Variants in PRDM6 observed in about 807,000 individuals in gnomAD.
PRDM6 encodes the protein PR/SET domain 6, also known as putative histone-lysine N-methyltransferase PRDM6.
In PRDM6, 25 loss-of-function variants were observed where a neutral mutation model predicts 60.8. That is an observed-to-expected ratio of 0.41 (90% CI 0.30 to 0.57). The LOEUF is 0.57. Ranked by LOEUF, PRDM6 falls within the 20% of genes least tolerant of loss-of-function variation. The pLI, the probability that PRDM6 is intolerant of heterozygous loss-of-function variation, is 0.27. For synonymous variants in PRDM6, 407 were observed against 357.4 expected, an observed-to-expected ratio of 1.14 and a Z score of -1.57; for missense variants, 839 against 821.3, an observed-to-expected ratio of 1.02 and a Z score of -0.26.
intron 3 of PRDM6, among the ~76,000 whole-genome samples, chr5:123,140,794 G>C (rs1261557132): frequency 6.6e-6 from 1 of 152,098 alleles, no homozygotes; most frequent in East Asian, 1.9e-4. Context: ...ATTGTTTTAT[G>C]TGTTTACTCT....
At chr5:123,144,101 A>G (rs950341571) in intron 3 of PRDM6, among the ~76,000 whole-genome samples, 1 of 152,132 alleles carries the variant, frequency 6.6e-6, no homozygotes, top group Non-Finnish European at 1.5e-5. Flanking sequence ...CCCCCTGGAG[A>G]GGACTTGCAG....
intron 3 of PRDM6, among the ~76,000 whole-genome samples, chr5:123,122,023 C>T (rs751994509): frequency 4.6e-5 from 7 of 151,198 alleles, no homozygotes; most frequent in South Asian, 4.2e-4. Context: ...ATTAGCTGGG[C>T]GTGGTGGCGG....
chr5:123,131,603 A>G (rs1335182839), intron 3 of PRDM6, among the ~76,000 whole-genome samples: 1 of 152,178 alleles, frequency 6.6e-6, no homozygotes, highest in Non-Finnish European at 1.5e-5. Flanking sequence ...AATTATTTCC[A>G]TTTACTATGT....
At position 123,090,050 on chromosome 5, in the gene PRDM6, C is replaced by G. The variant is rs1275098182; in HGVS notation, c.36C>G (p.Phe12Leu). The change falls in exon 2 of 8, where the codon TTC becomes TTG. Residue 12 changes from phenylalanine to leucine, a missense_variant. Physicochemically the swap from Phe to Leu is conservative, Grantham distance 22. This residue lies in a region of PRDM6 where 730 missense variants were observed against 648.8 expected (regional missense o/e 1.13). Coordinates refer to ENST00000407847, the MANE Select transcript of PRDM6 (RefSeq NM_001136239.4). The part of the protein sequence containing the change: ...LKPGDPGGSA[F>L]LKVDPAYLQH... The stretch of plus-strand genomic sequence containing the variant: ...CCGGAGACCCCGGCGGTTCGGCCTT[C>G]CTCAAAGTGGACCCAGCCTACCTGC... 1.3e-6 allele frequency: 2 copies of G among 1,548,338 alleles called. No homozygotes were observed. Among genetic ancestry groups the G allele is most frequent in the East Asian group, 2.5e-5 (1 of 40,654 alleles).
In PRDM6 at chr5:123,194,024, A is replaced by G. The variant is rs1460256618; in HGVS notation, c.*6823A>G. ...TGTAAGGGCCACTGATATGACAAGAATGATTATCCCACAGTAAGAATGGGT... is the reference window on the plus strand; with the variant it reads ...TGTAAGGGCCACTGATATGACAAGAGTGATTATCCCACAGTAAGAATGGGT... On this transcript the variant is annotated 3_prime_UTR_variant, in exon 8 of 8. Coordinates refer to ENST00000407847, the MANE Select transcript of PRDM6 (RefSeq NM_001136239.4). The G allele has an allele frequency of 3.3e-5, 5 of 152,274 alleles. No homozygotes were observed. In the East Asian group the frequency reaches 9.7e-4, roughly 29 times the overall value. The allele number at this position is 152,274 out of a possible 1,614,324, so 9.4% of individuals were successfully genotyped here. A position where few individuals can be genotyped will look rare whatever the true frequency, so the allele number is the denominator to read the frequency against.
At chr5:123,167,805 C>T (rs1453119532) in intron 5 of PRDM6, among the ~76,000 whole-genome samples, 1 of 152,190 alleles carries the variant, frequency 6.6e-6, no homozygotes, top group African/African-American at 2.4e-5. Flanking sequence ...TACAGTGAGG[C>T]AGCTGGCCAG....
At chr5:123,148,181 C>G (rs948751400) in intron 3 of PRDM6, among the ~76,000 whole-genome samples, 2 of 152,214 alleles carry the variant, frequency 1.3e-5, no homozygotes, top group African/African-American at 4.8e-5. Flanking sequence ...ACATAAACCT[C>G]TAATGATTTT....
At chr5:123,175,028 G>T in intron 6 of PRDM6, among the ~76,000 whole-genome samples, 1 of 148,978 alleles carries the variant, frequency 6.7e-6, no homozygotes, top group East Asian at 1.9e-4. Context: ...TTGGGGTTTT[G>T]CATAAGCTTA....
chr5:123,102,978 A>G (rs991942023), intron 3 of PRDM6, among the ~76,000 whole-genome samples: 2 of 151,998 alleles, frequency 1.3e-5, no homozygotes, highest in South Asian at 2.1e-4. Context: ...TAGAAGCTCT[A>G]TTTTCTTTGT....
intron 3 of PRDM6, among the ~76,000 whole-genome samples, chr5:123,148,345 A>T (rs1160652158): frequency 1.3e-5 from 2 of 152,192 alleles, no homozygotes; most frequent in Non-Finnish European, 2.9e-5. Context: ...ACATTTTAGA[A>T]TCTTGGCATT....
At chr5:123,139,899 GGA>G (rs1765060002) in intron 3 of PRDM6, among the ~76,000 whole-genome samples, 1 of 152,036 alleles carries the variant, frequency 6.6e-6, no homozygotes, top group South Asian at 2.1e-4. Context: ...GTGGTAAAAA[GGA>G]TGCTGCAGGA....
At chr5:123,174,776 G>GA (rs796226634) in intron 6 of PRDM6, among the ~76,000 whole-genome samples, 16 of 148,156 alleles carry the variant, frequency 1.1e-4, no homozygotes, top group South Asian at 2.1e-4. Flanking sequence ...ATTTAACACA[G>GA]AAAAAAAAAA....
At chr5:123,147,866 C>T (rs376566397) in intron 3 of PRDM6, among the ~76,000 whole-genome samples, 1 of 152,218 alleles carries the variant, frequency 6.6e-6, no homozygotes, top group Non-Finnish European at 1.5e-5. Flanking sequence ...TTCATATCGA[C>T]GGCTGCCGCC....
intron 3 of PRDM6, among the ~76,000 whole-genome samples, chr5:123,144,951 A>C (rs1313569067): frequency 1.3e-5 from 2 of 152,082 alleles, no homozygotes; most frequent in Non-Finnish European, 2.9e-5. Flanking sequence ...TACCCATCCA[A>C]GCAGCCATCC....
At chr5:123,096,631 C>T (rs1309795626) in intron 2 of PRDM6, among the ~76,000 whole-genome samples, 1 of 152,138 alleles carries the variant, frequency 6.6e-6, no homozygotes. Flanking sequence ...GTTGGGTGGA[C>T]TAATTAAAGT....
At chr5:123,153,200 CAAAA>C (rs3036136) in intron 3 of PRDM6, among the ~76,000 whole-genome samples, 14 of 122,464 alleles carry the variant, frequency 1.1e-4, no homozygotes, top group Non-Finnish European at 1.7e-4. Flanking sequence ...AACTGAACTA[CAAAA>C]AAAAAAAAAA....
intron 5 of PRDM6, among the ~76,000 whole-genome samples, chr5:123,160,245 C>T (rs934704800): frequency 1.3e-5 from 2 of 152,198 alleles, no homozygotes; most frequent in African/African-American, 4.8e-5. Flanking sequence ...ACCGTGCCAA[C>T]CATTATCTTT....
rs1172732587 is a variant in PRDM6, at chr5:123,187,112, A to G, written c.1699A>G (p.Thr567Ala). Residue 567 changes from threonine to alanine, a missense_variant, in exon 8 of 8, where the codon ACG becomes GCG. Around this residue, in one of 2 missense-constraint regions of PRDM6, gnomAD observed 109 missense variants for 172.6 expected, o/e 0.63. Coordinates refer to ENST00000407847, the MANE Select transcript of PRDM6 (RefSeq NM_001136239.4). ...FKCERCERSFTQATQLSRHQR... is the reference protein window; with the variant it reads ...FKCERCERSFAQATQLSRHQR... The stretch of plus-strand genomic sequence containing the variant: ...GTGCGAGAGGTGTGAGAGGAGCTTC[A>G]CGCAGGCCACCCAGCTGAGCCGACA... 2 of 1,551,526 alleles carry G rather than the reference A, an allele frequency of 1.3e-6. No homozygotes were observed. Among genetic ancestry groups the G allele is most frequent in the South Asian group, 2.4e-5 (2 of 84,062 alleles).
intron 5 of PRDM6, among the ~76,000 whole-genome samples, chr5:123,163,526 G>A (rs1381250239): frequency 6.6e-6 from 1 of 152,140 alleles, no homozygotes; most frequent in Non-Finnish European, 1.5e-5. Context: ...TTTGGGTTCT[G>A]GAAGCAATTC....
Sources: allele counts gnomAD v4.1 joint callset (sites outside exome capture counted in the v4.1 genomes callset), GRCh38; gene constraint gnomAD v4.1.1; regional missense constraint gnomAD v4.1.1; transcripts MANE v1.5; gene names NCBI Gene and HGNC (gene_info 2026-07-23, HGNC 2026-07-21).